The following CAST variants were observed in gnomAD, a reference collection of about 807,000 sequenced individuals.
The protein encoded by CAST is calpastatin.
In CAST, 76 loss-of-function variants were observed where a neutral mutation model predicts 119.6. That is an observed-to-expected ratio of 0.64 (90% CI 0.53 to 0.77). CAST has a LOEUF of 0.77. Among genes scored for constraint, CAST ranks in the 30% least tolerant of loss-of-function variants. The probability of loss-of-function intolerance (pLI) is 0.00; values close to 1 mark genes in which losing one functional copy is unlikely to be tolerated. For missense variants in CAST, 953 were observed against 946.5 expected (o/e 1.01, Z -0.09); for synonymous variants, 319 against 331.6 (o/e 0.96, Z 0.41).
At chr5:96,249,317 G>A in the CAST span, among the ~76,000 whole-genome samples, 3 of 152,096 alleles carry the variant, frequency 2.0e-5, no homozygotes, top group Admixed American at 6.6e-5. Flanking sequence ...GCTCATGCAG[G>A]GATTCTGGAA....
chr5:96,289,931 GTT>G, the CAST span, among the ~76,000 whole-genome samples: 17 of 150,728 alleles, frequency 1.1e-4, no homozygotes, highest in Admixed American at 3.3e-4. Context: ...TTCTTTGGAG[GTT>G]TTTTTTTTAA....
At chr5:96,315,682 A>G in the CAST span, among the ~76,000 whole-genome samples, 2 of 152,210 alleles carry the variant, frequency 1.3e-5, no homozygotes, top group African/African-American at 4.8e-5. Context: ...TTGAATGTGG[A>G]TGGGCTCTGT....
At chr5:96,676,779 G>T (rs1475948186) in intron 2 of CAST, among the ~76,000 whole-genome samples, 1 of 151,614 alleles carries the variant, frequency 6.6e-6, no homozygotes, top group African/African-American at 2.4e-5. Context: ...TGTCAGCCAG[G>T]CACGGTGGCT....
chr5:96,228,811 TAAAATTATATC>T, the CAST span, among the ~76,000 whole-genome samples: 9 of 152,096 alleles, frequency 5.9e-5, no homozygotes. Context: ...AACAAGTAGG[TAAAATTATATC>T]AAAATAGAAA....
At chr5:96,175,671 G>A in the CAST span, among the ~76,000 whole-genome samples, 2 of 152,180 alleles carry the variant, frequency 1.3e-5, no homozygotes, top group Admixed American at 1.3e-4. Context: ...ATGACATGAA[G>A]CAACTATCTA....
the CAST span, among the ~76,000 whole-genome samples, chr5:96,015,250 AT>A: frequency 6.6e-6 from 1 of 152,090 alleles, no homozygotes; most frequent in African/African-American, 2.4e-5. Context: ...TGTAGCTTTT[AT>A]TTTTTTAAAA....
chr5:96,531,791 C>T (rs895555651), intron 1 of CAST, among the ~76,000 whole-genome samples: 2 of 152,088 alleles, frequency 1.3e-5, no homozygotes, highest in African/African-American at 4.8e-5. Flanking sequence ...AATATTGCCT[C>T]ATAACACAAG....
chr5:96,626,718 A>G (rs2150200817), intron 1 of CAST, among the ~76,000 whole-genome samples: 3 of 152,304 alleles, frequency 2.0e-5, no homozygotes, highest in Middle Eastern at 6.8e-3. Flanking sequence ...TCTTCATGAC[A>G]GTTTTTCTCC....
At chr5:96,004,409 G>A in the CAST span, among the ~76,000 whole-genome samples, 1 of 152,092 alleles carries the variant, frequency 6.6e-6, no homozygotes, top group Non-Finnish European at 1.5e-5. Context: ...TATTGGTAAA[G>A]GTCATGATGT....
the CAST span, among the ~76,000 whole-genome samples, chr5:96,496,878 A>G: frequency 6.6e-6 from 1 of 151,384 alleles, no homozygotes; most frequent in Non-Finnish European, 1.5e-5. Context: ...TTTTTATTAT[A>G]CTTGAAGTTT....
intron 1 of CAST, among the ~76,000 whole-genome samples, chr5:96,567,302 C>A (rs960502875): frequency 1.3e-5 from 2 of 152,176 alleles, no homozygotes; most frequent in African/African-American, 4.8e-5. Context: ...CCACACCCAA[C>A]TCTGCTGCTT....
At chr5:96,325,629 G>A in the CAST span, among the ~76,000 whole-genome samples, 1 of 151,894 alleles carries the variant, frequency 6.6e-6, no homozygotes, top group Non-Finnish European at 1.5e-5. Flanking sequence ...ACAGGTGCAT[G>A]CTACCACGTC....
chr5:96,223,780 G>A, the CAST span, among the ~76,000 whole-genome samples: 539 of 152,254 alleles, frequency 3.5e-3, 2 homozygotes, highest in African/African-American at 0.012. Flanking sequence ...TTGAGAGATC[G>A]TCAATGTCCT....
chr5:96,548,038 T>C (rs1198486135), intron 1 of CAST, among the ~76,000 whole-genome samples: 1 of 152,250 alleles, frequency 6.6e-6, no homozygotes, highest in Non-Finnish European at 1.5e-5. Context: ...CCTGCAATCA[T>C]AATCTCTCTG....
the CAST span, among the ~76,000 whole-genome samples, chr5:95,991,754 C>T: frequency 1.3e-5 from 2 of 151,940 alleles, no homozygotes; most frequent in African/African-American, 2.4e-5. Context: ...TAGTCACCCG[C>T]CTCAGCCTCC....
chr5:96,195,897 T>A, the CAST span, among the ~76,000 whole-genome samples: 1 of 152,222 alleles, frequency 6.6e-6, no homozygotes, highest in African/African-American at 2.4e-5. Context: ...CCTTGAAAGA[T>A]CATTTTTATT....
At position 96,740,935 on chromosome 5, in the gene CAST, G is replaced by A. The variant is rs558362891; in HGVS notation, c.918+152G>A. ...GTGTGTTCAGAGAAAGGGGTTGGTGGGAGGGTTGTCTCAGTGCTCCTGAGT... is the reference window on the plus strand; with the variant it reads ...GTGTGTTCAGAGAAAGGGGTTGGTGAGAGGGTTGTCTCAGTGCTCCTGAGT... On this transcript the variant is annotated intron_variant, in intron 13 of 31. Coordinates refer to ENST00000675179, the MANE Select transcript of CAST (RefSeq NM_001750.7). 2.0e-5 allele frequency: 13 copies of A among 635,228 alleles called. No individual in the cohort carries two copies. In the Admixed American group the frequency reaches 3.2e-4, roughly 16 times the overall value. 39.3% of individuals were successfully genotyped at this position (635,228 alleles called of 1,614,324 possible).
the CAST span, among the ~76,000 whole-genome samples, chr5:96,254,403 A>G: frequency 1.1e-4 from 17 of 152,178 alleles, no homozygotes; most frequent in Admixed American, 9.8e-4. Context: ...AAAGAGCAGG[A>G]ATAGAAACTA....
the CAST span, among the ~76,000 whole-genome samples, chr5:96,384,901 C>A: frequency 6.6e-6 from 1 of 152,174 alleles, no homozygotes; most frequent in Non-Finnish European, 1.5e-5. Flanking sequence ...ATGCAAAAAA[C>A]TCAGGTTTTG....
Sources: allele counts gnomAD v4.1 joint callset (sites outside exome capture counted in the v4.1 genomes callset), GRCh38; gene constraint gnomAD v4.1.1; transcripts MANE v1.5; gene names NCBI Gene and HGNC (gene_info 2026-07-23, HGNC 2026-07-21).